Variants in BBS9 observed in about 807,000 individuals in gnomAD.
BBS9 encodes the protein protein PTHB1.
In BBS9, 89 loss-of-function variants were observed where a neutral mutation model predicts 117.7. That is an observed-to-expected ratio of 0.76 (90% confidence interval 0.64 to 0.90). The LOEUF (loss-of-function observed/expected upper bound fraction) is 0.90. Among genes scored for constraint, BBS9 ranks in the 40% least tolerant of loss-of-function variants. BBS9 has a pLI of 0.00. For missense variants in BBS9, 982 were observed against 1,042.2 expected (o/e 0.94, Z 0.80); for synonymous variants, 379 against 370.9 (o/e 1.02, Z -0.25).
chr7:33,351,116 A>G (rs555332121), intron 13 of BBS9, 103 bp from the exon 14 acceptor site: 1 of 730,388 alleles, frequency 1.4e-6, no homozygotes, highest in East Asian at 2.7e-5. Flanking sequence ...GTAAGTGCTT[A>G]TGACAGTACC....
At chr7:33,585,309 G>A (rs1332779803) in intron 21 of BBS9, among the ~76,000 whole-genome samples, 3 of 152,234 alleles carry the variant, frequency 2.0e-5, no homozygotes, top group Non-Finnish European at 2.9e-5. Flanking sequence ...GGTGTAGTAG[G>A]TGTTGAGGAT....
At chr7:33,464,899 C>T (rs1195208200) in intron 19 of BBS9, among the ~76,000 whole-genome samples, 1 of 152,014 alleles carries the variant, frequency 6.6e-6, no homozygotes, top group Non-Finnish European at 1.5e-5. Flanking sequence ...CATCATGGCT[C>T]ACTGCAGCCT....
chr7:33,424,787 A>G (rs1833409589), intron 19 of BBS9, among the ~76,000 whole-genome samples: 1 of 152,058 alleles, frequency 6.6e-6, no homozygotes, highest in East Asian at 1.9e-4. Flanking sequence ...ATGGAAATGT[A>G]CTTCCTTGTT....
At chr7:33,504,525 A>G (rs1487001996) in intron 19 of BBS9, among the ~76,000 whole-genome samples, 1 of 152,180 alleles carries the variant, frequency 6.6e-6, no homozygotes, top group Non-Finnish European at 1.5e-5. Flanking sequence ...TCTGAAACTC[A>G]TCTGAACTCC....
At chr7:33,142,652 T>C (rs1478764188) in intron 1 of BBS9, among the ~76,000 whole-genome samples, 1 of 152,226 alleles carries the variant, frequency 6.6e-6, no homozygotes, top group Non-Finnish European at 1.5e-5. Flanking sequence ...CTATTCTAGG[T>C]ACCTCACATA....
chr7:33,549,567 A>C (rs972985781), intron 21 of BBS9, among the ~76,000 whole-genome samples: 1 of 151,306 alleles, frequency 6.6e-6, no homozygotes, highest in African/African-American at 2.4e-5. Flanking sequence ...TAATGAACTC[A>C]AACAAATTTA....
chr7:33,193,934 C>T (rs1583565881), intron 5 of BBS9, among the ~76,000 whole-genome samples: 1 of 152,298 alleles, frequency 6.6e-6, no homozygotes, highest in South Asian at 2.1e-4. Flanking sequence ...TCGCCACCCC[C>T]TACTTTTCTT....
At chr7:33,221,512 G>A (rs1044996846) in intron 5 of BBS9, among the ~76,000 whole-genome samples, 1 of 152,090 alleles carries the variant, frequency 6.6e-6, no homozygotes, top group South Asian at 2.1e-4. Context: ...AAAAATTAGG[G>A]AAAACTGCTT....
At chr7:33,349,432 G>C (rs569645325) in intron 13 of BBS9, 11 of 460,606 alleles carry the variant, frequency 2.4e-5, no homozygotes, top group Middle Eastern at 4.9e-4. Context: ...AATTGTTTTT[G>C]ATTTATTTAT....
intron 19 of BBS9, among the ~76,000 whole-genome samples, chr7:33,492,088 A>G (rs1844002004): frequency 6.6e-6 from 1 of 151,628 alleles, no homozygotes; most frequent in African/African-American, 2.4e-5. Flanking sequence ...CTATAATCCC[A>G]GCTACTCAGG....
intron 5 of BBS9, among the ~76,000 whole-genome samples, chr7:33,188,939 C>A (rs1186523591): frequency 2.6e-5 from 4 of 152,170 alleles, no homozygotes; most frequent in Non-Finnish European, 4.4e-5. Context: ...ATCATGAAAT[C>A]TTAATCTGAT....
chr7:33,483,183 T>G (rs946706069), intron 19 of BBS9, among the ~76,000 whole-genome samples: 1 of 152,196 alleles, frequency 6.6e-6, no homozygotes, highest in Non-Finnish European at 1.5e-5. Context: ...TCCTAGACCT[T>G]GAGCAGAAAA....
intron 21 of BBS9, among the ~76,000 whole-genome samples, chr7:33,604,558 G>C (rs1864294910): frequency 6.6e-6 from 1 of 152,090 alleles, no homozygotes; most frequent in African/African-American, 2.4e-5. Context: ...TTATATTCTG[G>C]ATATCACATA....
intron 9 of BBS9, among the ~76,000 whole-genome samples, chr7:33,330,292 G>A (rs1174377133): frequency 6.6e-6 from 1 of 152,134 alleles, no homozygotes; most frequent in Non-Finnish European, 1.5e-5. Flanking sequence ...TAGGATTACA[G>A]GCATAAGCCA....
At chr7:33,377,586 A>G (rs1824137004) in intron 17 of BBS9, among the ~76,000 whole-genome samples, 1 of 152,188 alleles carries the variant, frequency 6.6e-6, no homozygotes, top group Non-Finnish European at 1.5e-5. Context: ...TTGGAATAGT[A>G]TAGAATCTGT....
chr7:33,575,126 G>C (rs1222858939), intron 21 of BBS9, among the ~76,000 whole-genome samples: 1 of 152,008 alleles, frequency 6.6e-6, no homozygotes, highest in East Asian at 1.9e-4. Flanking sequence ...TTAAAAGTAT[G>C]AAATGATTTA....
At chr7:33,221,379 TA>T (rs558548481) in intron 5 of BBS9, among the ~76,000 whole-genome samples, 9 of 152,142 alleles carry the variant, frequency 5.9e-5, no homozygotes, top group East Asian at 1.9e-4. Context: ...TATTTTGATT[TA>T]AAAAAATTGC....
chr7:33,388,003 TG>T lies in BBS9; in HGVS notation c.1976del (p.Gly659ValfsTer4). 1 of 1,614,110 alleles carries T rather than the reference TG, an allele frequency of 6.2e-7. No individual in the cohort carries two copies. Among genetic ancestry groups the T allele is most frequent in the South Asian group, 1.1e-5 (1 of 91,084 alleles). On this transcript the variant is annotated frameshift_variant, in exon 19 of 23. Transcript: ENST00000242067. LOFTEE classifies it high-confidence loss of function. Reference sequence around the variant, plus strand: ...ATTATTCATTGCAGCTACGGATAAATGGTGAAAAATTAGAAGAACTCTTATC... The same window carrying T: ...ATTATTCATTGCAGCTACGGATAAATGTGAAAAATTAGAAGAACTCTTATC... ...IDHHFELRIN[G>X]EKLEELLSER...
chr7:33,442,726 AAAG>A (rs1836397653), intron 19 of BBS9, among the ~76,000 whole-genome samples: 1 of 152,204 alleles, frequency 6.6e-6, no homozygotes, highest in African/African-American at 2.4e-5. Flanking sequence ...ATTGTTCCTC[AAAG>A]AAGGTGTATG....
Sources: allele counts gnomAD v4.1 joint callset (sites outside exome capture counted in the v4.1 genomes callset), GRCh38; gene constraint gnomAD v4.1.1; transcripts MANE v1.5; gene names NCBI Gene and HGNC (gene_info 2026-07-23, HGNC 2026-07-21).